CFAP46: variants seen among roughly 807,000 people sequenced by gnomAD.
The protein encoded by CFAP46 is cilia and flagella associated protein 46.
In CFAP46, 245 loss-of-function variants were observed where a neutral mutation model predicts 325.7. That is an observed-to-expected ratio of 0.75 (90% confidence interval 0.68 to 0.84). The LOEUF (loss-of-function observed/expected upper bound fraction) is 0.84. Ranked by LOEUF, CFAP46 falls within the 40% of genes least tolerant of loss-of-function variation. CFAP46 has a pLI of 0.00. For missense variants in CFAP46, 3,346 were observed against 3,543.0 expected (o/e 0.94, Z 1.41); for synonymous variants, 1,523 against 1,495.9 (o/e 1.02, Z -0.42).
chr10:132,824,470 C>A (rs1847988510), intron 50 of CFAP46, among the ~76,000 whole-genome samples: 1 of 94,344 alleles, frequency 1.1e-5, no homozygotes, highest in Non-Finnish European at 2.0e-5. Context: ...CTGATGTGTG[C>A]TGTGTGTGCT....
At chr10:132,941,862 T>G in intron 2 of CFAP46, 118 bp downstream of exon 2, 1 of 1,512,046 alleles carries the variant, frequency 6.6e-7, no homozygotes, top group South Asian at 1.3e-5. Context: ...TCCTGGCCCC[T>G]TGACTGCCCG....
At chr10:132,908,660 G>C in intron 21 of CFAP46, 26 bp from the exon 22 acceptor site, 1 of 1,512,638 alleles carries the variant, frequency 6.6e-7, no homozygotes, top group Non-Finnish European at 8.9e-7. Flanking sequence ...AAGAGAAGGG[G>C]CACCGTGTTA....
rs1849090732 is a variant in CFAP46 at position 132,884,349 on chromosome 10, C to T, written c.3627+754G>A. On this transcript the variant is annotated intron_variant, in intron 27 of 57. Transcript: ENST00000368586. The surrounding 1 kb of genome is among the most constrained non-coding windows in gnomAD (Gnocchi z 5.4). ...GCACCGTCAGAGACCCCCAACCATC[C>T]TCAGTTCCCGATGCCAAGGGCCCCC... is the stretch of plus-strand genomic sequence containing the variant. 6.6e-6 allele frequency among the ~76,000 whole-genome samples: 1 copy of T among 152,214 alleles called. No homozygotes were observed.
intron 28 of CFAP46, among the ~76,000 whole-genome samples, 191 bp downstream of exon 28, chr10:132,880,670 C>T (rs530591258): frequency 6.8e-6 from 1 of 146,760 alleles, no homozygotes; most frequent in Non-Finnish European, 1.5e-5. Context: ...CGTCAGGGGC[C>T]CCTGCAGAGG....
intron 16 of CFAP46, among the ~76,000 whole-genome samples, chr10:132,917,273 A>G (rs1239366794): frequency 6.6e-6 from 1 of 152,244 alleles, no homozygotes; most frequent in Admixed American, 6.5e-5. Flanking sequence ...CCACGCACCC[A>G]CTGAGAAAGT....
rs1335602614 is a variant in CFAP46 at position 132,922,686 on chromosome 10, G to C, written c.1279C>G (p.Gln427Glu). 44 of 1,549,046 alleles carry C rather than the reference G, an allele frequency of 2.8e-5. No individual in the cohort carries two copies. The East Asian group carries it at 1.1e-3, about 37-fold the overall frequency. The change falls in exon 12 of 58, where the codon CAA becomes GAA. Residue 427 changes from glutamine to glutamate, a missense_variant. Physicochemically the swap from Gln to Glu is conservative, Grantham distance 29 (BLOSUM62 2). Coordinates refer to ENST00000368586, the MANE Select transcript of CFAP46 (RefSeq NM_001200049.3). ...ATCTGCGCCATCTCCATGTGCACTT[G>C]ACAGCGGAGAAGCGTCATGAGGCTG... ...LDSLMTLLRC[Q>E]VHMEMAQIEE...
At chr10:132,839,235 C>A (rs1245536879) in intron 44 of CFAP46, among the ~76,000 whole-genome samples, 1 of 152,208 alleles carries the variant, frequency 6.6e-6, no homozygotes, top group East Asian at 1.9e-4. Context: ...TTCCCTTGTA[C>A]GGCTCCTACC....
At position 132,889,688 on chromosome 10, in the gene CFAP46, G is replaced by A. The variant is rs1564791623; in HGVS notation, c.3304+2645C>T. 2.0e-5 allele frequency among the ~76,000 whole-genome samples: 3 copies of A among 152,122 alleles called. No individual in the cohort carries two copies. Among genetic ancestry groups the A allele is most frequent in the South Asian group, 2.1e-4 (1 of 4,808 alleles). On this transcript the variant is annotated intron_variant, in intron 25 of 57. Transcript: ENST00000368586. This position sits in a 1 kb window ranked among gnomAD's most constrained non-coding sequence, Gnocchi z 6.0. ...ATTCACGGGCGGAGGCACTGCAGCCGGACCCCACCCCTCATGCATTCCTGT... is the reference window on the plus strand; with the variant it reads ...ATTCACGGGCGGAGGCACTGCAGCCAGACCCCACCCCTCATGCATTCCTGT...
Position 132,909,945 on chromosome 10 carries a change from C to A in CFAP46, c.2623G>T (p.Gly875Trp), listed in dbSNP as rs1392692471. Residue 875 changes from glycine to tryptophan, a missense_variant, in exon 20 of 58, where the codon GGG becomes TGG. Gly to Trp is a radical substitution (Grantham distance 184, BLOSUM62 -2). Transcript: ENST00000368586. ...TGCTCCTCGGTGCCCAGCCGTGGCC[C>A]AATCTGCTGCTGCAGCAGCTGCTTG... ...KAKQLLQQQI[G>W]PRLGTEEQGT... is the part of the protein sequence containing the mutation. 18 of 1,520,810 alleles carry A rather than the reference C, an allele frequency of 1.2e-5. No homozygotes were observed. The highest frequency in any genetic ancestry group is 1.6e-5 in the Non-Finnish European group (18 of 1,135,474). 94.2% of individuals were successfully genotyped at this position (1,520,810 alleles called of 1,614,324 possible).
chr10:132,899,164 C>A lies in CFAP46; in HGVS notation c.3057-43G>T, dbSNP rs1446568219. On this transcript the variant is annotated intron_variant, in intron 23 of 57. Coordinates refer to ENST00000368586, the MANE Select transcript of CFAP46 (RefSeq NM_001200049.3). ...ATGACGCGGTGGCTCCACCTGGGCC[C>A]ACCTGGAGCTGCTGGACCAGGAGGG... 64 of 1,524,750 alleles carry A rather than the reference C, an allele frequency of 4.2e-5. 1 individual carries two copies. The highest frequency in any genetic ancestry group is 2.3e-4 in the Middle Eastern group (1 of 4,330). 94.5% of individuals were successfully genotyped at this position (1,524,750 alleles called of 1,614,324 possible).
chr10:132,906,458 G>A (rs908405353), intron 22 of CFAP46, among the ~76,000 whole-genome samples: 4 of 151,736 alleles, frequency 2.6e-5, no homozygotes, highest in Non-Finnish European at 2.9e-5. Flanking sequence ...GTCCTGGCGC[G>A]TGATGCCCCG....
chr10:132,920,867 T>C (rs1849712482), intron 13 of CFAP46, among the ~76,000 whole-genome samples: 1 of 152,212 alleles, frequency 6.6e-6, no homozygotes, highest in South Asian at 2.1e-4. Flanking sequence ...GACATGCACC[T>C]GACCCCCAGG....
Position 132,832,900 on chromosome 10 carries a change from T to C in CFAP46, c.7117+458A>G. 4.4e-6 allele frequency: 2 copies of C among 453,742 alleles called. No individual in the cohort carries two copies. Among genetic ancestry groups the C allele is most frequent in the South Asian group, 1.6e-5 (1 of 64,118 alleles). 28.1% of individuals were successfully genotyped at this position (453,742 alleles called of 1,614,324 possible). A position where few individuals can be genotyped will look rare whatever the true frequency, so the allele number is the denominator to read the frequency against. On this transcript the variant is annotated intron_variant, in intron 50 of 57. Coordinates refer to ENST00000368586, the MANE Select transcript of CFAP46 (RefSeq NM_001200049.3). This position sits in a 1 kb window ranked among gnomAD's most constrained non-coding sequence, Gnocchi z 4.1. ...GGCAAGAACAGCGTTAAGTTTGTCT[T>C]CCCTGTGTGTTTAGCACCAGGATAC...
chr10:132,935,007 T>C, intron 7 of CFAP46, 145 bp from the exon 8 acceptor site: 1 of 661,776 alleles, frequency 1.5e-6, no homozygotes, highest in Non-Finnish European at 2.7e-6. Flanking sequence ...TTCCTCAAAT[T>C]CCTGAGATGA....
Position 132,879,573 on chromosome 10 carries a change from C to A in CFAP46, c.3858G>T (p.Ala1286=). 1 of 1,546,926 alleles carries A rather than the reference C, an allele frequency of 6.5e-7. No individual in the cohort carries two copies. Among genetic ancestry groups the A allele is most frequent in the African/African-American group, 1.4e-5 (1 of 73,052 alleles). The part of the protein sequence containing the change: ...PRSPVSEAEE[A]VSLEQLRSVR... The stretch of plus-strand genomic sequence containing the variant: ...CGCTACGCAGCTGCTCCAAGGACAC[C>A]GCCTCCTCGGCCTCGGACACGGGGC... The change falls in exon 29 of 58, where the codon GCG becomes GCT. Residue 1286 remains alanine (A), a synonymous_variant. Transcript: ENST00000368586.
rs1210673394 is a variant in CFAP46, at chr10:132,827,686, G to A, written c.7117+5672C>T. On this transcript the variant is annotated intron_variant, in intron 50 of 57. Transcript: ENST00000368586. This position sits in a 1 kb window ranked among gnomAD's most constrained non-coding sequence, Gnocchi z 5.7. Reference sequence around the variant, plus strand: ...CACGCCAGCAAGTCATCGCCACAGCGAAGGTCACGGCACACCCAGCCCCAG... The same window carrying A: ...CACGCCAGCAAGTCATCGCCACAGCAAAGGTCACGGCACACCCAGCCCCAG... Among the ~76,000 whole-genome samples the A allele has an allele frequency of 3.3e-5, 5 of 152,044 alleles. No individual in the cohort carries two copies. Among genetic ancestry groups the A allele is most frequent in the Non-Finnish European group, 5.9e-5 (4 of 68,022 alleles).
intron 50 of CFAP46, among the ~76,000 whole-genome samples, chr10:132,822,121 G>C (rs1240269214): frequency 1.4e-5 from 2 of 140,552 alleles, no homozygotes; most frequent in Admixed American, 1.4e-4. Flanking sequence ...TGCTGTGTGT[G>C]CACTTGTGTG....
At chr10:132,872,394 C>T in intron 32 of CFAP46, 2 of 397,706 alleles carry the variant, frequency 5.0e-6, no homozygotes, top group Non-Finnish European at 9.5e-6. Context: ...GTTGCGACAA[C>T]AGGTGTGTGT....
chr10:132,834,674 C>T lies in CFAP46; in HGVS notation c.6846G>A (p.Leu2282=). 4 of 1,613,374 alleles carry T rather than the reference C, an allele frequency of 2.5e-6. No homozygotes were observed. The highest frequency in any genetic ancestry group is 1.7e-4 in the Middle Eastern group (1 of 6,036). Residue 2282 remains leucine (L), a synonymous_variant, in exon 48 of 58, where the codon CTG becomes CTA. Coordinates refer to ENST00000368586, the MANE Select transcript of CFAP46 (RefSeq NM_001200049.3). ...AGTACCTGGCCTTGGAGAGGCTGAG[C>T]AGGGGGAATAGCGGCTGCAGAAGCT... is the stretch of plus-strand genomic sequence containing the variant. The part of the protein sequence containing the change: ...LEELLQPLFP[L]LSLSKARVQT...
Sources: gnomAD v4.1 joint callset for allele counts (sites outside exome capture counted in the v4.1 genomes callset) on GRCh38, gnomAD v4.1.1 for gene constraint, Gnocchi (gnomAD v3.1) non-coding constraint, MANE v1.5 for transcripts, NCBI Gene and HGNC (gene_info 2026-07-23, HGNC 2026-07-21) for gene names.